CFAP144: variants seen among roughly 807,000 people sequenced by gnomAD.
The protein encoded by CFAP144 is cilia- and flagella-associated protein 144.
At chr1:43,145,921 A>G in the CFAP144 span, among the ~76,000 whole-genome samples, 1 of 152,234 alleles carries the variant, frequency 6.6e-6, no homozygotes, top group Non-Finnish European at 1.5e-5. Context: ...CCAGAAATGG[A>G]CTTGCACAAA....
chr1:43,148,309 T>C, the CFAP144 span, among the ~76,000 whole-genome samples: 1 of 151,686 alleles, frequency 6.6e-6, no homozygotes. Context: ...CTTTTCGTTG[T>C]AGAAAAAAAA....
At chr1:43,149,107 C>T in the CFAP144 span, among the ~76,000 whole-genome samples, 5 of 152,164 alleles carry the variant, frequency 3.3e-5, no homozygotes, top group African/African-American at 1.2e-4. Context: ...CGACCAAACC[C>T]CTACACCTTT....
At chr1:43,150,820 G>C in the CFAP144 span, 14 of 1,607,138 alleles carry the variant, frequency 8.7e-6, no homozygotes, top group Non-Finnish European at 1.2e-5. Flanking sequence ...ACCTGCAGAT[G>C]GTAAGTCCTG....
chr1:43,155,137 G>A, the CFAP144 span, among the ~76,000 whole-genome samples: 1 of 152,214 alleles, frequency 6.6e-6, no homozygotes, highest in Non-Finnish European at 1.5e-5. Context: ...CCTGAGTAGA[G>A]TTCATTCAAG....
the CFAP144 span, among the ~76,000 whole-genome samples, chr1:43,143,750 C>T: frequency 5.3e-5 from 8 of 152,298 alleles, no homozygotes; most frequent in African/African-American, 1.7e-4. Context: ...ACACAGGAAC[C>T]AAGATGGTAC....
chr1:43,147,545 T>G, the CFAP144 span, among the ~76,000 whole-genome samples: 1 of 152,166 alleles, frequency 6.6e-6, no homozygotes, highest in African/African-American at 2.4e-5. Context: ...TGCTTTAAGG[T>G]GGGAGAGGTT....
At chr1:43,148,276 GT>G in the CFAP144 span, among the ~76,000 whole-genome samples, 1 of 151,968 alleles carries the variant, frequency 6.6e-6, no homozygotes, top group Admixed American at 6.5e-5. Flanking sequence ...CTGTATTAAA[GT>G]TCATGCGCAA....
chr1:43,155,237 C>G, the CFAP144 span, among the ~76,000 whole-genome samples: 48 of 152,188 alleles, frequency 3.2e-4, no homozygotes, highest in African/African-American at 1.1e-3. Flanking sequence ...CATGAAGCAA[C>G]TTAGAAGAAT....
At chr1:43,151,118 T>C in the CFAP144 span, among the ~76,000 whole-genome samples, 2 of 152,252 alleles carry the variant, frequency 1.3e-5, no homozygotes, top group African/African-American at 4.8e-5. Context: ...CGTTCATTCA[T>C]CAAACATGTA....
At chr1:43,147,883 G>A in the CFAP144 span, 1 of 1,587,544 alleles carries the variant, frequency 6.3e-7, no homozygotes, top group South Asian at 1.1e-5. Context: ...GTTGCCTGGA[G>A]ACAGCGGGGA....
At chr1:43,150,078 C>A in the CFAP144 span, among the ~76,000 whole-genome samples, 1 of 152,214 alleles carries the variant, frequency 6.6e-6, no homozygotes, top group African/African-American at 2.4e-5. Context: ...AGAGATACAT[C>A]ACCCACACCC....
the CFAP144 span, among the ~76,000 whole-genome samples, chr1:43,145,454 G>A: frequency 8.3e-4 from 127 of 152,218 alleles, no homozygotes; most frequent in Middle Eastern, 0.02. Flanking sequence ...AGGATTCCAG[G>A]ACCATCCCAA....
the CFAP144 span, among the ~76,000 whole-genome samples, chr1:43,153,858 G>A: frequency 6.7e-6 from 1 of 150,084 alleles, no homozygotes; most frequent in Non-Finnish European, 1.5e-5. Flanking sequence ...TCTGCCACAC[G>A]AGTCTTTAAA....
chr1:43,156,383 T>C, the CFAP144 span: 9 of 1,234,340 alleles, frequency 7.3e-6, no homozygotes, highest in African/African-American at 1.5e-5. Context: ...AATAAAATAC[T>C]ACTTTAAAAC....
the CFAP144 span, chr1:43,152,991 C>T: frequency 5.8e-6 from 9 of 1,552,220 alleles, no homozygotes; most frequent in East Asian, 1.7e-4. Context: ...TAAGTGGTGA[C>T]CGTAGAATAG....
the CFAP144 span, among the ~76,000 whole-genome samples, chr1:43,144,257 C>T: frequency 1.3e-5 from 2 of 152,160 alleles, no homozygotes; most frequent in Non-Finnish European, 2.9e-5. Context: ...AACTCTTAAA[C>T]CTAGAAACTG....
chr1:43,150,896 G>T, the CFAP144 span: 4 of 1,211,220 alleles, frequency 3.3e-6, no homozygotes, highest in East Asian at 5.0e-5. Context: ...TCTCAGGGTC[G>T]TGATATCTTG....
At chr1:43,146,640 C>A in the CFAP144 span, among the ~76,000 whole-genome samples, 1 of 152,170 alleles carries the variant, frequency 6.6e-6, no homozygotes, top group Non-Finnish European at 1.5e-5. Context: ...AGAACTCCAA[C>A]AAATTGATAA....
At chr1:43,154,339 CTT>C in the CFAP144 span, among the ~76,000 whole-genome samples, 1 of 144,350 alleles carries the variant, frequency 6.9e-6, no homozygotes, top group African/African-American at 2.5e-5. Flanking sequence ...TATATCCCCT[CTT>C]TTTATATATA....
Sources: gnomAD v4.1 joint callset for allele counts (sites outside exome capture counted in the v4.1 genomes callset) on GRCh38, gnomAD v4.1.1 for gene constraint, MANE v1.5 for transcripts, NCBI Gene and HGNC (gene_info 2026-07-23, HGNC 2026-07-21) for gene names.